Variants in ZNF385D observed in about 807,000 individuals in gnomAD.
ZNF385D encodes zinc finger protein 385D, also known as zinc finger protein 659.
Under a neutral mutation model 35.8 loss-of-function variants are expected in ZNF385D, and 15 were observed. That is an observed-to-expected ratio of 0.42 (90% CI 0.28 to 0.64). The LOEUF is 0.64. Ranked by LOEUF, ZNF385D falls within the 30% of genes least tolerant of loss-of-function variation. The pLI is 0.23. For synonymous variants in ZNF385D, 212 were observed against 186.8 expected, an observed-to-expected ratio of 1.13 and a Z score of -1.10; for missense variants, 474 against 494.6, an observed-to-expected ratio of 0.96 and a Z score of 0.39.
At chr3:22,180,764 T>A (rs981099252) in intron 2 of ZNF385D, among the ~76,000 whole-genome samples, 7 of 152,046 alleles carry the variant, frequency 4.6e-5, no homozygotes, top group African/African-American at 1.7e-4. Flanking sequence ...CTCAATAAAT[T>A]AGGTATTGAT....
chr3:22,206,912 T>C (rs961532801), intron 2 of ZNF385D, among the ~76,000 whole-genome samples: 2 of 151,384 alleles, frequency 1.3e-5, no homozygotes, highest in African/African-American at 2.4e-5. Context: ...GAAATAAAGA[T>C]CAGCATAGAA....
At chr3:21,994,386 G>T (rs1695335950) in intron 3 of ZNF385D, among the ~76,000 whole-genome samples, 1 of 152,066 alleles carries the variant, frequency 6.6e-6, no homozygotes, top group South Asian at 2.1e-4. Flanking sequence ...GAATTTATGG[G>T]TTTTAAAAAT....
At chr3:21,883,899 G>A (rs565083009) in intron 3 of ZNF385D, among the ~76,000 whole-genome samples, 103 of 152,070 alleles carry the variant, frequency 6.8e-4, no homozygotes, top group East Asian at 2.3e-3. Context: ...CATCTCATCC[G>A]TTTCACTCTC....
chr3:21,510,695 G>T (rs1433446750), intron 4 of ZNF385D, among the ~76,000 whole-genome samples, 166 bp downstream of exon 4: 1 of 152,110 alleles, frequency 6.6e-6, no homozygotes, highest in Non-Finnish European at 1.5e-5. Flanking sequence ...TCTTAATCTT[G>T]CAGGGGTTTG....
At chr3:22,096,606 C>T (rs1419225700) in intron 3 of ZNF385D, among the ~76,000 whole-genome samples, 1 of 151,810 alleles carries the variant, frequency 6.6e-6, no homozygotes, top group Non-Finnish European at 1.5e-5. Flanking sequence ...ATTTTCTGAC[C>T]CCTTAGGGTT....
rs564456056 is a variant in ZNF385D, at chr3:22,153,096, C to T, written c.325+15721G>A. Among the ~76,000 whole-genome samples the T allele has an allele frequency of 2.6e-5, 4 of 152,226 alleles. No homozygotes were observed. The South Asian group carries it at 8.3e-4, about 32-fold the overall frequency. Reference sequence around the variant, plus strand: ...CTGACCAATGTACTACTGCATACAACCATTTTCTACATGGTTATTGGGCTC... The same window carrying T: ...CTGACCAATGTACTACTGCATACAATCATTTTCTACATGGTTATTGGGCTC... On this transcript the variant is annotated intron_variant, in intron 3 of 5. Coordinates refer to the ZNF385D transcript ENST00000494108.
chr3:22,152,422 T>A (rs968503889), intron 3 of ZNF385D, among the ~76,000 whole-genome samples: 2 of 152,154 alleles, frequency 1.3e-5, no homozygotes, highest in East Asian at 1.9e-4. Context: ...AACAAATTTA[T>A]CATACAGTTC....
intron 2 of ZNF385D, among the ~76,000 whole-genome samples, chr3:22,177,003 T>C (rs1247387213): frequency 6.6e-6 from 1 of 152,206 alleles, no homozygotes; most frequent in Admixed American, 6.5e-5. Flanking sequence ...TACATTTTTT[T>C]AGCCAACAGT....
chr3:21,561,562 G>C (rs1183323501), intron 3 of ZNF385D, among the ~76,000 whole-genome samples: 11 of 152,202 alleles, frequency 7.2e-5, no homozygotes, highest in Non-Finnish European at 1.5e-5. Flanking sequence ...GATCTCACTG[G>C]GAGCTGCAGA....
chr3:21,439,238 G>C (rs1368148053), intron 4 of ZNF385D, among the ~76,000 whole-genome samples: 1 of 141,590 alleles, frequency 7.1e-6, no homozygotes, highest in East Asian at 2.1e-4. Flanking sequence ...GGACACAAAA[G>C]TAGTATATTG....
intron 3 of ZNF385D, among the ~76,000 whole-genome samples, chr3:21,861,550 T>G (rs9310663): frequency 0.036 from 5,467 of 152,192 alleles, 256 homozygotes; most frequent in African/African-American, 0.098. Context: ...TCTGAAACTG[T>G]TGAACACTAA....
intron 3 of ZNF385D, among the ~76,000 whole-genome samples, chr3:21,555,215 GTTTT>G (rs35875777): frequency 7.1e-6 from 1 of 141,174 alleles, no homozygotes; most frequent in Admixed American, 7.0e-5. Context: ...GGCAATTGTA[GTTTT>G]TTTTTTTTTT....
chr3:21,421,295 G>GCA lies in ZNF385D; in HGVS notation c.1106_1107insTG (p.Leu371ArgfsTer37). 1.2e-6 allele frequency: 2 copies of GCA among 1,613,924 alleles called. No individual in the cohort carries two copies. The highest frequency in any genetic ancestry group is 2.2e-5 in the South Asian group (2 of 91,062). ...GCCGCAGGAGTGCCGGAGGAAGCGC[G>GCA]GAAGTCTGGAACAGTGTTGCTGCTG... On this transcript the variant is annotated frameshift_variant, in exon 8 of 8. Transcript: ENST00000281523. LOFTEE classifies it high-confidence loss of function.
intron 3 of ZNF385D, among the ~76,000 whole-genome samples, chr3:21,909,568 A>C (rs944208379): frequency 6.6e-6 from 1 of 151,180 alleles, no homozygotes; most frequent in African/African-American, 2.4e-5. Context: ...GATAGGCATA[A>C]AAATTCTGCT....
At chr3:21,571,836 A>G (rs981704689) in intron 2 of ZNF385D, among the ~76,000 whole-genome samples, 1 of 152,208 alleles carries the variant, frequency 6.6e-6, no homozygotes, top group African/African-American at 2.4e-5. Flanking sequence ...GAAGAGACAC[A>G]TAGGGCTAGA....
At chr3:21,551,976 A>T (rs1349600634) in intron 3 of ZNF385D, among the ~76,000 whole-genome samples, 1 of 152,210 alleles carries the variant, frequency 6.6e-6, no homozygotes, top group Non-Finnish European at 1.5e-5. Context: ...AGATGAAAAG[A>T]ACTACAAACT....
At chr3:21,618,831 C>T (rs971761625) in intron 2 of ZNF385D, among the ~76,000 whole-genome samples, 1 of 152,160 alleles carries the variant, frequency 6.6e-6, no homozygotes, top group Non-Finnish European at 1.5e-5. Context: ...CTTTTAATCA[C>T]TTCTAGTCTA....
chr3:21,567,108 A>G (rs1321646120), intron 2 of ZNF385D, among the ~76,000 whole-genome samples: 1 of 144,078 alleles, frequency 6.9e-6, no homozygotes, highest in Non-Finnish European at 1.6e-5. Context: ...TGATGAACAC[A>G]TGTATTTATC....
chr3:22,346,944 C>A (rs1695684703), intron 2 of ZNF385D, among the ~76,000 whole-genome samples: 1 of 152,128 alleles, frequency 6.6e-6, no homozygotes, highest in South Asian at 2.1e-4. Flanking sequence ...TGTTAATATG[C>A]TAGTGGAGAA....
Sources: allele counts gnomAD v4.1 joint callset (sites outside exome capture counted in the v4.1 genomes callset), GRCh38; gene constraint gnomAD v4.1.1; transcripts MANE v1.5; gene names NCBI Gene and HGNC (gene_info 2026-07-23, HGNC 2026-07-21).